Variants in THSD7B observed in about 807,000 individuals in gnomAD.
THSD7B encodes thrombospondin type-1 domain-containing protein 7B.
A neutral mutation model predicts 213.6 loss-of-function variants in THSD7B; 138 were observed. That is an observed-to-expected ratio of 0.65 (90% CI 0.56 to 0.74). The LOEUF is 0.74. Ranked by LOEUF, THSD7B falls within the 30% of genes least tolerant of loss-of-function variation. THSD7B has a pLI of 0.00. For missense variants in THSD7B, 1,931 were observed against 1,991.5 expected, an observed-to-expected ratio of 0.97 and a Z score of 0.58; for synonymous variants, 742 against 687.0, an observed-to-expected ratio of 1.08 and a Z score of -1.25.
At chr2:137,397,050 A>G (rs1307607626) in intron 12 of THSD7B, among the ~76,000 whole-genome samples, 1 of 144,962 alleles carries the variant, frequency 6.9e-6, no homozygotes, top group Non-Finnish European at 1.5e-5. Context: ...TTTTGAGCCT[A>G]TGTGTGTCTC....
At chr2:136,928,438 T>C (rs1173511289) in intron 2 of THSD7B, among the ~76,000 whole-genome samples, 2 of 152,150 alleles carry the variant, frequency 1.3e-5, no homozygotes, top group Non-Finnish European at 2.9e-5. Flanking sequence ...ATAGCGTTTG[T>C]TTTTAGCCTA....
At chr2:136,979,923 A>G (rs10180560) in intron 2 of THSD7B, among the ~76,000 whole-genome samples, 6,540 of 151,930 alleles carry the variant, frequency 0.043, 281 homozygotes, top group African/African-American at 0.11. Flanking sequence ...TCAATCTTTG[A>G]GGCTACTGAC....
chr2:137,477,321 T>C (rs1202080487), intron 15 of THSD7B, among the ~76,000 whole-genome samples: 2 of 152,304 alleles, frequency 1.3e-5, no homozygotes, highest in African/African-American at 4.8e-5. Flanking sequence ...TATGTGAAGA[T>C]AGCTACTCAT....
At chr2:137,303,233 G>A (rs768786048) in intron 12 of THSD7B, among the ~76,000 whole-genome samples, 3 of 152,118 alleles carry the variant, frequency 2.0e-5, no homozygotes, top group Admixed American at 6.5e-5. Flanking sequence ...TTGTTGCCAG[G>A]CTGATGTCAA....
intron 15 of THSD7B, among the ~76,000 whole-genome samples, chr2:137,455,680 G>T (rs531239636): frequency 2.4e-4 from 36 of 152,268 alleles, no homozygotes; most frequent in African/African-American, 8.7e-4. Context: ...TCTTATCAAG[G>T]CATAAAACAT....
intron 3 of THSD7B, among the ~76,000 whole-genome samples, chr2:137,082,352 T>C (rs1050987742): frequency 2.0e-5 from 3 of 152,074 alleles, no homozygotes; most frequent in Non-Finnish European, 4.4e-5. Flanking sequence ...AATGCAAAGG[T>C]AATGTGTGGT....
At chr2:137,303,978 G>C (rs892579846) in intron 12 of THSD7B, among the ~76,000 whole-genome samples, 3 of 151,034 alleles carry the variant, frequency 2.0e-5, no homozygotes, top group Non-Finnish European at 4.4e-5. Context: ...CCCCTGACAG[G>C]CCCTAGTGTG....
At chr2:137,065,956 T>A (rs896689080) in intron 3 of THSD7B, among the ~76,000 whole-genome samples, 7 of 147,694 alleles carry the variant, frequency 4.7e-5, no homozygotes, top group African/African-American at 1.8e-4. Context: ...AATTTGCATA[T>A]GAAAAATAAA....
chr2:137,489,716 A>G lies in THSD7B; in HGVS notation c.3138+38693A>G, dbSNP rs1443017336. 9.2e-5 allele frequency among the ~76,000 whole-genome samples: 14 copies of G among 152,332 alleles called. No individual in the cohort carries two copies. The East Asian group carries it at 2.7e-3, about 29-fold the overall frequency. ...AAATCCTGGATCAGGACCCAGCATC[A>G]TTCCTAATGTGCACACACACAAATA... is the stretch of plus-strand genomic sequence containing the variant. On this transcript the variant is annotated intron_variant, in intron 15 of 27. Transcript: ENST00000409968.
chr2:137,160,977 C>T (rs184132191), intron 6 of THSD7B, among the ~76,000 whole-genome samples: 29 of 152,202 alleles, frequency 1.9e-4, no homozygotes, highest in African/African-American at 4.3e-4. Flanking sequence ...ATGATTTCCA[C>T]GCTCACATCT....
At chr2:137,443,707 A>T (rs1687468633) in intron 14 of THSD7B, among the ~76,000 whole-genome samples, 1 of 151,996 alleles carries the variant, frequency 6.6e-6, no homozygotes, top group African/African-American at 2.4e-5. Flanking sequence ...TTCCTAGGTG[A>T]TCTTGAATAG....
intron 2 of THSD7B, among the ~76,000 whole-genome samples, chr2:137,022,716 G>A (rs138661837): frequency 6.6e-6 from 1 of 152,004 alleles, no homozygotes; most frequent in Admixed American, 6.6e-5. Context: ...TGCTGGTCTA[G>A]GTTGTAATTA....
At position 137,616,291 on chromosome 2, in the gene THSD7B, C is replaced by T; in HGVS notation, c.3540C>T (p.Cys1180=). ...AGCCTTGCCTCCTGAATGAAAATTG[C>T]TTCCAGTTCCAGTACAATCTAACAG... ...QVQPCLLNEN[C]FQFQYNLTEW... Residue 1180 remains cysteine, a synonymous_variant, in exon 18 of 28, where the codon TGC becomes TGT. Coordinates refer to ENST00000409968, the MANE Select transcript of THSD7B (RefSeq NM_001316349.2). 2 of 1,613,722 alleles carry T rather than the reference C, an allele frequency of 1.2e-6. No individual in the cohort carries two copies. The highest frequency in any genetic ancestry group is 1.7e-6 in the Non-Finnish European group (2 of 1,179,702).
intron 12 of THSD7B, among the ~76,000 whole-genome samples, chr2:137,346,521 C>T (rs957787184): frequency 9.3e-5 from 14 of 151,034 alleles, no homozygotes; most frequent in African/African-American, 2.9e-4. Context: ...CCCAACATGC[C>T]CTTGATTGAG....
At chr2:137,395,160 C>A (rs1247296747) in intron 12 of THSD7B, among the ~76,000 whole-genome samples, 1 of 144,688 alleles carries the variant, frequency 6.9e-6, no homozygotes, top group African/African-American at 2.6e-5. Flanking sequence ...TTATTTCCTT[C>A]TCCTGCCTAA....
Position 137,431,722 on chromosome 2 carries a change from TA to T in THSD7B, c.2960-19114del, listed in dbSNP as rs956722299. Among the ~76,000 whole-genome samples, 5 of 150,580 alleles carry T rather than the reference TA, an allele frequency of 3.3e-5. 1 individual carries two copies. In the South Asian group the frequency reaches 6.3e-4, roughly 19 times the overall value. On this transcript the variant is annotated intron_variant, in intron 14 of 27. Coordinates refer to ENST00000409968, the MANE Select transcript of THSD7B (RefSeq NM_001316349.2). Reference sequence around the variant, plus strand: ...CCCATAGATAGGATTTTGGGCAAGATAAAAAAAAAGTAGAGCTTAGTCCTCA... The same window carrying T: ...CCCATAGATAGGATTTTGGGCAAGATAAAAAAAAGTAGAGCTTAGTCCTCA...
intron 1 of THSD7B, among the ~76,000 whole-genome samples, chr2:136,880,118 A>G (rs1683594262): frequency 6.6e-6 from 1 of 152,204 alleles, no homozygotes; most frequent in South Asian, 2.1e-4. Flanking sequence ...AAGCAGACCT[A>G]ATAGACATCT....
intron 2 of THSD7B, among the ~76,000 whole-genome samples, chr2:136,940,068 T>G (rs1684795348): frequency 6.6e-6 from 1 of 152,208 alleles, no homozygotes; most frequent in African/African-American, 2.4e-5. Flanking sequence ...TTTTTATCTT[T>G]TTTAACATTT....
intron 5 of THSD7B, among the ~76,000 whole-genome samples, chr2:137,139,486 G>A (rs920764529): frequency 1.4e-4 from 21 of 152,282 alleles, no homozygotes; most frequent in African/African-American, 4.1e-4. Context: ...GTGGAACCCC[G>A]AGGTAATATG....
Sources: allele counts gnomAD v4.1 joint callset (sites outside exome capture counted in the v4.1 genomes callset), GRCh38; gene constraint gnomAD v4.1.1; transcripts MANE v1.5; gene names NCBI Gene and HGNC (gene_info 2026-07-23, HGNC 2026-07-21).